Variants in LYPLAL1 observed in about 807,000 individuals in gnomAD.
LYPLAL1 encodes the protein lysophospholipase-like protein 1.
In LYPLAL1, 23 loss-of-function variants were observed where a neutral mutation model predicts 19.7. The observed-to-expected ratio is 1.17, with a 90% CI of 0.84 to 1.65. The LOEUF is 1.65. LYPLAL1 is among the 40% of genes most tolerant of loss of function. The pLI, the probability that LYPLAL1 is intolerant of heterozygous loss-of-function variation, is 0.00. For synonymous variants in LYPLAL1, 119 were observed against 96.3 expected (o/e 1.24, Z -1.38); for missense variants, 355 against 279.4 (o/e 1.27, Z -1.93).
At chr1:219,213,543 C>T (rs1232039974), downstream of LYPLAL1, among the ~76,000 whole-genome samples, 2 of 151,910 alleles carry the variant, frequency 1.3e-5, 1 homozygote, top group African/African-American at 4.8e-5. Flanking sequence ...ATCTTCTAAT[C>T]CACAAACATG....
the LYPLAL1 span, among the ~76,000 whole-genome samples, chr1:219,317,376 G>C: frequency 7.4e-4 from 112 of 152,142 alleles, no homozygotes; most frequent in African/African-American, 2.6e-3. Flanking sequence ...TGTTTCTATA[G>C]TAAATGTCCT....
At chr1:219,401,441 A>T in the LYPLAL1 span, among the ~76,000 whole-genome samples, 1 of 150,800 alleles carries the variant, frequency 6.6e-6, no homozygotes, top group African/African-American at 2.4e-5. Context: ...CCATACATCT[A>T]TCAAGAGATA....
chr1:219,305,099 G>A, the LYPLAL1 span, among the ~76,000 whole-genome samples: 1 of 152,122 alleles, frequency 6.6e-6, no homozygotes, highest in African/African-American at 2.4e-5. Flanking sequence ...GTCACTGAGG[G>A]GACCACAGTC....
At chr1:219,250,728 A>G in the LYPLAL1 span, among the ~76,000 whole-genome samples, 1 of 152,012 alleles carries the variant, frequency 6.6e-6, no homozygotes. Flanking sequence ...GGTTGATTTC[A>G]CGTCTTTACT....
the LYPLAL1 span, among the ~76,000 whole-genome samples, chr1:219,226,548 A>G: frequency 6.6e-6 from 1 of 152,110 alleles, no homozygotes; most frequent in African/African-American, 2.4e-5. Context: ...ATCAGCTGAA[A>G]GTAACTGGTA....
the LYPLAL1 span, among the ~76,000 whole-genome samples, chr1:219,327,642 A>C: frequency 6.6e-6 from 1 of 152,246 alleles, no homozygotes; most frequent in Non-Finnish European, 1.5e-5. Flanking sequence ...AGTGTGATAT[A>C]GTTTGGCTGT....
the LYPLAL1 span, among the ~76,000 whole-genome samples, chr1:219,328,542 C>T: frequency 2.6e-5 from 4 of 152,172 alleles, no homozygotes; most frequent in East Asian, 7.7e-4. Context: ...CTGATAGAGT[C>T]ATCATTCAGA....
chr1:219,400,491 C>G, the LYPLAL1 span, among the ~76,000 whole-genome samples: 1 of 139,060 alleles, frequency 7.2e-6, no homozygotes, highest in Non-Finnish European at 1.6e-5. Context: ...ATCTATCTGT[C>G]TATCTATCTT....
chr1:219,187,634 A>G (rs1030238628), intron 2 of LYPLAL1, among the ~76,000 whole-genome samples: 1 of 151,748 alleles, frequency 6.6e-6, no homozygotes, highest in South Asian at 2.1e-4. Flanking sequence ...CATAGTGCCT[A>G]TACTTTTAGA....
At chr1:219,319,655 G>A in the LYPLAL1 span, among the ~76,000 whole-genome samples, 1 of 152,186 alleles carries the variant, frequency 6.6e-6, no homozygotes, top group East Asian at 1.9e-4. Context: ...CAGCATCACA[G>A]AGCAGAGCAC....
intron 2 of LYPLAL1, 186 bp downstream of exon 2, chr1:219,179,432 T>C (rs1656084033): frequency 1.8e-6 from 1 of 543,056 alleles, no homozygotes; most frequent in African/African-American, 2.0e-5. Context: ...GCCAGGTGAG[T>C]AATTTATTCC....
At chr1:219,312,561 G>C in the LYPLAL1 span, among the ~76,000 whole-genome samples, 36 of 152,248 alleles carry the variant, frequency 2.4e-4, no homozygotes, top group Middle Eastern at 0.01. Flanking sequence ...ACCTGAGTAT[G>C]GGAGAAAGAT....
the LYPLAL1 span, among the ~76,000 whole-genome samples, chr1:219,252,612 C>T: frequency 0.019 from 2,876 of 152,210 alleles, 40 homozygotes; most frequent in South Asian, 0.055. Flanking sequence ...GTTAAATCAA[C>T]CTTCCATCTC....
the LYPLAL1 span, among the ~76,000 whole-genome samples, chr1:219,366,580 A>G: frequency 3.3e-5 from 5 of 152,212 alleles, no homozygotes; most frequent in Non-Finnish European, 7.3e-5. Context: ...CATGTCAGAA[A>G]GAAAAGAATG....
intron 3 of LYPLAL1, among the ~76,000 whole-genome samples, chr1:219,196,620 C>G (rs530003913): frequency 6.6e-6 from 1 of 152,142 alleles, no homozygotes; most frequent in East Asian, 1.9e-4. Context: ...CACTTCTATT[C>G]AACATAGTAT....
chr1:219,401,354 T>TTTTTTTTTTTTTTTGA, the LYPLAL1 span, among the ~76,000 whole-genome samples: 12 of 149,840 alleles, frequency 8.0e-5, no homozygotes, highest in African/African-American at 2.7e-4. Flanking sequence ...TTTTTTTAAT[T>TTTTTTTTTTTTTTTGA]GCCACTTAAC....
At chr1:219,413,437 G>T in the LYPLAL1 span, among the ~76,000 whole-genome samples, 1 of 152,090 alleles carries the variant, frequency 6.6e-6, no homozygotes, top group Non-Finnish European at 1.5e-5. Flanking sequence ...AATCCATTTG[G>T]GATAGCTACT....
At chr1:219,305,111 G>A in the LYPLAL1 span, among the ~76,000 whole-genome samples, 1 of 152,174 alleles carries the variant, frequency 6.6e-6, no homozygotes, top group African/African-American at 2.4e-5. Context: ...ACCACAGTCT[G>A]TTCTTACATG....
the LYPLAL1 span, among the ~76,000 whole-genome samples, chr1:219,257,353 GTTTTTGTT>G: frequency 0.5 from 66,533 of 132,640 alleles, 15,898 homozygotes; most frequent in East Asian, 0.67. Flanking sequence ...ATCCATACCA[GTTTTTGTT>G]TTTTTTTTTT....
Sources: gnomAD v4.1 joint callset for allele counts (sites outside exome capture counted in the v4.1 genomes callset) on GRCh38, gnomAD v4.1.1 for gene constraint, MANE v1.5 for transcripts, NCBI Gene and HGNC (gene_info 2026-07-23, HGNC 2026-07-21) for gene names.